Variants in RABGEF1 observed in about 807,000 individuals in gnomAD.
The protein encoded by RABGEF1 is rab5 GDP/GTP exchange factor.
RABGEF1 carries 26 observed loss-of-function variants against 57.3 expected under a neutral mutation model. The observed-to-expected ratio is 0.45, with a 90% CI of 0.33 to 0.63. RABGEF1 has a LOEUF of 0.63. RABGEF1 is among the 20% of genes least tolerant of loss of function. The pLI, the probability that RABGEF1 is intolerant of heterozygous loss-of-function variation, is 0.02. For missense variants in RABGEF1, 464 were observed against 607.6 expected, an observed-to-expected ratio of 0.76 and a Z score of 2.48; for synonymous variants, 185 against 210.7, an observed-to-expected ratio of 0.88 and a Z score of 1.06.
intron 1 of RABGEF1, among the ~76,000 whole-genome samples, chr7:66,771,014 C>A (rs1198285636): frequency 6.6e-6 from 1 of 152,086 alleles, no homozygotes; most frequent in Non-Finnish European, 1.5e-5. Flanking sequence ...GTAGGAGTTC[C>A]TTCGTATTTT....
upstream of RABGEF1, among the ~76,000 whole-genome samples, chr7:66,679,134 C>A (rs1215974588): frequency 2.0e-5 from 3 of 152,212 alleles, no homozygotes; most frequent in African/African-American, 7.2e-5. Context: ...CTCATTCACT[C>A]TGCTACTGCT....
chr7:66,799,298 T>A, intron 6 of RABGEF1, 25 bp from the exon 7 acceptor site: 1 of 1,553,312 alleles, frequency 6.4e-7, no homozygotes, highest in Non-Finnish European at 8.9e-7. Context: ...CTTGGAGCTC[T>A]TGTTTACTGT....
intron 1 of RABGEF1, among the ~76,000 whole-genome samples, chr7:66,749,910 C>T (rs903418960): frequency 1.3e-5 from 2 of 152,092 alleles, no homozygotes; most frequent in Non-Finnish European, 2.9e-5. Flanking sequence ...GGAGGCGGAG[C>T]TTGCAGTGAG....
At chr7:66,676,274 C>G in the RABGEF1 span, among the ~76,000 whole-genome samples, 20 of 151,198 alleles carry the variant, frequency 1.3e-4, no homozygotes, top group Admixed American at 1.3e-3. Flanking sequence ...CAGAGCGAGA[C>G]TTCGTTTCAA....
intron 3 of RABGEF1, among the ~76,000 whole-genome samples, chr7:66,776,235 G>A (rs1808502679): frequency 6.6e-6 from 1 of 152,262 alleles, no homozygotes; most frequent in African/African-American, 2.4e-5. Flanking sequence ...CCTACCCTGG[G>A]GTAATTGTAA....
chr7:66,748,503 C>T (rs1259582978), intron 1 of RABGEF1, among the ~76,000 whole-genome samples: 2 of 152,056 alleles, frequency 1.3e-5, no homozygotes, highest in Non-Finnish European at 2.9e-5. Context: ...CATGGTTTAT[C>T]GTGGGGGTAT....
At chr7:66,786,231 T>G (rs1025501429) in intron 4 of RABGEF1, among the ~76,000 whole-genome samples, 14 of 152,244 alleles carry the variant, frequency 9.2e-5, no homozygotes, top group Non-Finnish European at 1.9e-4. Context: ...TTTTCCGAAC[T>G]GCATTAAAAT....
intron 7 of RABGEF1, among the ~76,000 whole-genome samples, chr7:66,801,189 A>G (rs537832531): frequency 5.9e-5 from 9 of 152,298 alleles, no homozygotes; most frequent in African/African-American, 1.4e-4. Context: ...TAGGACAAGG[A>G]GAGTGTCAGG....
upstream of RABGEF1, among the ~76,000 whole-genome samples, chr7:66,738,488 T>G (rs1450130386): frequency 1.3e-5 from 2 of 151,950 alleles, no homozygotes; most frequent in Non-Finnish European, 2.9e-5. Context: ...CCAGCACTTT[T>G]GGAGGCCGGG....
chr7:66,708,369 C>A lies in RABGEF1; in HGVS notation c.-872-3798C>A, dbSNP rs146310649. Among the ~76,000 whole-genome samples the A allele has an allele frequency of 2.9e-3, 442 of 151,946 alleles. 1 individual carries two copies. Among genetic ancestry groups the A allele is most frequent in the Non-Finnish European group, 4.9e-3 (331 of 67,962 alleles). The stretch of plus-strand genomic sequence containing the variant: ...GTGGCGCAATCTTGGCTCACTGCAA[C>A]CTTCGCTTCCTGGGTTCAAGTGATT... On this transcript the variant is annotated intron_variant and NMD_transcript_variant, in intron 1 of 9. Coordinates refer to the RABGEF1 transcript ENST00000607882.
intron 2 of RABGEF1, among the ~76,000 whole-genome samples, chr7:66,730,245 A>G (rs1797146385): frequency 6.6e-6 from 1 of 152,154 alleles, no homozygotes; most frequent in Admixed American, 6.6e-5. Flanking sequence ...ACCTGGGAGC[A>G]TTTCCAGCCT....
At position 66,752,949 on chromosome 7, in the gene RABGEF1, C is replaced by T. The variant is rs375188546; in HGVS notation, c.-18+12157C>T. Among the ~76,000 whole-genome samples, 8 of 152,204 alleles carry T rather than the reference C, an allele frequency of 5.3e-5. 1 individual carries two copies. The East Asian group carries it at 5.8e-4, about 11-fold the overall frequency. ...TCTTCTGATGAATTGTTTGAGAAAC[C>T]TAGAAAACATCTATTGAGCACCTCC... is the stretch of plus-strand genomic sequence containing the variant. On this transcript the variant is annotated intron_variant, in intron 1 of 8. Coordinates refer to ENST00000284957, the MANE Select transcript of RABGEF1 (RefSeq NM_014504.3).
At chr7:66,661,677 A>T in the RABGEF1 span, among the ~76,000 whole-genome samples, 1 of 152,230 alleles carries the variant, frequency 6.6e-6, no homozygotes, top group African/African-American at 2.4e-5. Context: ...TTTACCAGTC[A>T]ATTCTACCAG....
intron 1 of RABGEF1, among the ~76,000 whole-genome samples, chr7:66,762,680 G>A (rs1804730902): frequency 6.6e-6 from 1 of 152,128 alleles, no homozygotes; most frequent in African/African-American, 2.4e-5. Flanking sequence ...GGCCAGCCTG[G>A]GCCAGGTGGT....
At chr7:66,808,817 A>G in intron 8 of RABGEF1, 69 bp from the exon 9 acceptor site, 5 of 1,403,080 alleles carry the variant, frequency 3.6e-6, no homozygotes, top group Non-Finnish European at 4.8e-6. Context: ...TGATCAAAAG[A>G]TTTTTACAAA....
At chr7:66,785,881 A>T (rs536833528) in intron 4 of RABGEF1, among the ~76,000 whole-genome samples, 13 of 134,980 alleles carry the variant, frequency 9.6e-5, no homozygotes, top group African/African-American at 4.0e-4. Context: ...CTGGGGGGGA[A>T]AAAAAAAAAG....
intron 1 of RABGEF1, among the ~76,000 whole-genome samples, chr7:66,743,477 C>G (rs1799482764): frequency 6.6e-6 from 1 of 151,876 alleles, no homozygotes; most frequent in Non-Finnish European, 1.5e-5. Context: ...GGCCTGCCAC[C>G]TACTAATTTA....
At chr7:66,715,778 G>T (rs986850858) in intron 2 of RABGEF1, among the ~76,000 whole-genome samples, 14 of 152,002 alleles carry the variant, frequency 9.2e-5, no homozygotes, top group Admixed American at 2.0e-4. Flanking sequence ...GGTCTCGGCT[G>T]TGTTACCTAA....
At chr7:66,790,659 G>C (rs3778909) in intron 4 of RABGEF1, among the ~76,000 whole-genome samples, 76,328 of 152,062 alleles carry the variant, frequency 0.5, 20,087 homozygotes, top group East Asian at 0.74. Flanking sequence ...AAAGCTGGTT[G>C]ATGTTTTTTC....
Sources: allele counts gnomAD v4.1 joint callset (sites outside exome capture counted in the v4.1 genomes callset), GRCh38; gene constraint gnomAD v4.1.1; transcripts MANE v1.5; gene names NCBI Gene and HGNC (gene_info 2026-07-23, HGNC 2026-07-21).